Variants in PDZD8 observed in about 807,000 individuals in gnomAD.
PDZD8 encodes the protein PDZ domain-containing protein 8.
Under a neutral mutation model 85.8 loss-of-function variants are expected in PDZD8, and 14 were observed. The ratio of observed to expected loss-of-function variants is 0.16; its 90% CI spans 0.11 to 0.26. The LOEUF (loss-of-function observed/expected upper bound fraction) is 0.26, where lower values mean the gene tolerates loss of function less well. Among genes scored for constraint, PDZD8 ranks in the 10% least tolerant of loss-of-function variants. The pLI is 1.00. For synonymous variants in PDZD8, 592 were observed against 568.6 expected (o/e 1.04, Z -0.59); for missense variants, 1,197 against 1,424.3 (o/e 0.84, Z 2.57).
chr10:117,333,504 T>C (rs1844465907), intron 2 of PDZD8, among the ~76,000 whole-genome samples: 1 of 152,072 alleles, frequency 6.6e-6, no homozygotes, highest in Non-Finnish European at 1.5e-5. Context: ...AAAAAGCAAA[T>C]ATTATTATTT....
intron 1 of PDZD8, among the ~76,000 whole-genome samples, chr10:117,367,409 A>AAAACAAACAAAC (rs147491441): frequency 0.012 from 1,779 of 151,322 alleles, 21 homozygotes; most frequent in East Asian, 0.029. Flanking sequence ...ACTCCGTCTC[A>AAAACAAACAAAC]AAACAAACAA....
At position 117,374,622 on chromosome 10, in the gene PDZD8, G is replaced by T. The variant is rs1173722185; in HGVS notation, c.606C>A (p.Phe202Leu). The stretch of plus-strand genomic sequence containing the variant: ...CCAGGTCCACGTCGATGGCCAGGTG[G>T]AAGCCCCCGTTGTACTCCACCTCCG... ...FEAEVEYNGG[F>L]HLAIDVDLVF... The change falls in exon 1 of 5, where the codon TTC becomes TTA. Residue 202 changes from phenylalanine to leucine, a missense_variant. By Grantham distance (22) the Phe-to-Leu change is conservative. Transcript: ENST00000334464. This position sits in a 1 kb window ranked among gnomAD's most constrained non-coding sequence, Gnocchi z 7.8. 1.3e-6 allele frequency: 2 copies of T among 1,584,902 alleles called. No individual in the cohort carries two copies. Among genetic ancestry groups the T allele is most frequent in the East Asian group, 2.3e-5 (1 of 43,396 alleles).
At chr10:117,355,114 A>G (rs749826038) in intron 1 of PDZD8, among the ~76,000 whole-genome samples, 1 of 152,184 alleles carries the variant, frequency 6.6e-6, no homozygotes, top group Non-Finnish European at 1.5e-5. Context: ...AGATACTTCA[A>G]TTGATATATT....
chr10:117,323,720 C>A (rs1435773777), intron 2 of PDZD8, among the ~76,000 whole-genome samples: 1 of 152,168 alleles, frequency 6.6e-6, no homozygotes. Flanking sequence ...ACAAGACCTA[C>A]CTGGATCTAC....
At chr10:117,289,791 T>C (rs1338749971) in intron 4 of PDZD8, among the ~76,000 whole-genome samples, 1 of 152,176 alleles carries the variant, frequency 6.6e-6, no homozygotes, top group Non-Finnish European at 1.5e-5. Flanking sequence ...ATGGGGGCAG[T>C]AGTGCTAATA....
rs1321708346 is a variant in PDZD8 at position 117,284,561 on chromosome 10, T to C, written c.2172A>G (p.Gly724=). Residue 724 remains glycine (G), a synonymous_variant, in exon 5 of 5, where the codon GGA becomes GGG. Transcript: ENST00000334464. ...TAACATGCCCCAAACAGATGAGACC[T>C]CCCAACTTGAAAGGATCCCTGCACC... ...ALWCRDPFKL[G]GLICLGHVSL... 6.2e-7 allele frequency: 1 copy of C among 1,614,148 alleles called. No homozygotes were observed. Among genetic ancestry groups the C allele is most frequent in the Admixed American group, 1.7e-5 (1 of 60,014 alleles).
At chr10:117,319,043 T>A (rs907837206) in intron 2 of PDZD8, 69 bp from the exon 3 acceptor site, 2 of 1,067,016 alleles carry the variant, frequency 1.9e-6, no homozygotes, top group Admixed American at 4.1e-5. Flanking sequence ...TCTTTCTGAT[T>A]ATTATAACAA....
intron 1 of PDZD8, among the ~76,000 whole-genome samples, chr10:117,352,182 T>A (rs1029895683): frequency 6.6e-6 from 1 of 152,250 alleles, no homozygotes; most frequent in Middle Eastern, 3.4e-3. Flanking sequence ...CTCCATCACA[T>A]GGCAGCAGTA....
intron 2 of PDZD8, among the ~76,000 whole-genome samples, chr10:117,338,066 T>C (rs1844547944): frequency 6.6e-6 from 1 of 152,216 alleles, no homozygotes; most frequent in African/African-American, 2.4e-5. Context: ...GTTACAGTAA[T>C]ATGTCCTCTT....
intron 3 of PDZD8, among the ~76,000 whole-genome samples, chr10:117,296,229 A>T (rs575654033): frequency 3.9e-5 from 6 of 152,138 alleles, no homozygotes; most frequent in Non-Finnish European, 7.4e-5. Context: ...TATAATTAGA[A>T]AAATTAAAAA....
At chr10:117,340,868 T>C in intron 2 of PDZD8, 112 bp downstream of exon 2, 1 of 1,203,730 alleles carries the variant, frequency 8.3e-7, no homozygotes, top group Non-Finnish European at 1.1e-6. Context: ...AATTAAAGAA[T>C]TTACAGGTAA....
chr10:117,305,258 C>T (rs538629105), intron 3 of PDZD8, among the ~76,000 whole-genome samples: 4 of 151,954 alleles, frequency 2.6e-5, no homozygotes, highest in South Asian at 4.2e-4. Flanking sequence ...ACTAAAAATA[C>T]GAAACTTAGC....
rs1844551607 is a variant in PDZD8, at chr10:117,279,762, G to T, written c.*3506C>A. 1.3e-5 allele frequency: 2 copies of T among 152,186 alleles called. No individual in the cohort carries two copies. The highest frequency in any genetic ancestry group is 4.1e-4 in the South Asian group (2 of 4,830). The allele number at this position is 152,186 out of a possible 1,614,324, so 9.4% of individuals were successfully genotyped here. On this transcript the variant is annotated 3_prime_UTR_variant, in exon 5 of 5. Transcript: ENST00000334464. ...ACCCATTTGACTTAATCCCGGGGGA[G>T]TTTGTAAAACCGTTGAAATCTGATA...
At chr10:117,357,110 G>A (rs747136546) in intron 1 of PDZD8, among the ~76,000 whole-genome samples, 23 of 152,188 alleles carry the variant, frequency 1.5e-4, no homozygotes, top group Non-Finnish European at 3.1e-4. Context: ...TAGAAAATCA[G>A]GTCTGGGCAC....
rs368384427 is a variant in PDZD8 at position 117,342,321 on chromosome 10, C to A, written c.873-1219G>T. On this transcript the variant is annotated intron_variant, in intron 1 of 4. Transcript: ENST00000334464. ...GCCCCGTGGTTTTCAATTCACCCTACACATTGTCACTAGCCATGATATCTA... is the reference window on the plus strand; with the variant it reads ...GCCCCGTGGTTTTCAATTCACCCTAAACATTGTCACTAGCCATGATATCTA... Among the ~76,000 whole-genome samples the A allele has an allele frequency of 2.0e-5, 3 of 152,000 alleles. No homozygotes were observed. In the East Asian group the frequency reaches 5.8e-4, roughly 29 times the overall value.
At chr10:117,293,029 T>C (rs2133768661) in intron 3 of PDZD8, among the ~76,000 whole-genome samples, 1 of 152,158 alleles carries the variant, frequency 6.6e-6, no homozygotes, top group South Asian at 2.1e-4. Flanking sequence ...AGTTCTGACA[T>C]GATTCAGAAG....
At chr10:117,312,803 C>A (rs1470365394) in intron 3 of PDZD8, among the ~76,000 whole-genome samples, 1 of 152,070 alleles carries the variant, frequency 6.6e-6, no homozygotes, top group Non-Finnish European at 1.5e-5. Context: ...TATCTCATTT[C>A]CGTGTTAATT....
intron 3 of PDZD8, among the ~76,000 whole-genome samples, chr10:117,301,544 T>C (rs915454395): frequency 4.6e-5 from 7 of 152,230 alleles, no homozygotes; most frequent in Admixed American, 2.6e-4. Context: ...ATGTTAGAAA[T>C]GTAACTTTGG....
intron 1 of PDZD8, among the ~76,000 whole-genome samples, chr10:117,366,578 ACT>A (rs1311815541): frequency 6.8e-6 from 1 of 147,856 alleles, no homozygotes; most frequent in Admixed American, 6.9e-5. Flanking sequence ...CACCACCACC[ACT>A]GTCACCACCA....
Sources: gnomAD v4.1 joint callset for allele counts (sites outside exome capture counted in the v4.1 genomes callset) on GRCh38, gnomAD v4.1.1 for gene constraint, Gnocchi (gnomAD v3.1) non-coding constraint, MANE v1.5 for transcripts, NCBI Gene and HGNC (gene_info 2026-07-23, HGNC 2026-07-21) for gene names.